The following PIK3C2A variants were observed in gnomAD, a reference collection of about 807,000 sequenced individuals.
PIK3C2A encodes phosphatidylinositol 4-phosphate 3-kinase C2 domain-containing subunit alpha.
A neutral mutation model predicts 204.5 loss-of-function variants in PIK3C2A; 97 were observed. The observed-to-expected ratio is 0.47, with a 90% CI of 0.40 to 0.56. The LOEUF (loss-of-function observed/expected upper bound fraction) is 0.56. Among genes scored for constraint, PIK3C2A ranks in the 20% least tolerant of loss-of-function variants. The pLI is 0.00. For synonymous variants in PIK3C2A, 653 were observed against 664.4 expected (o/e 0.98, Z 0.26); for missense variants, 1,735 against 1,969.2 (o/e 0.88, Z 2.25).
chr11:17,186,915 T>A (rs1851771321), intron 1 of PIK3C2A, among the ~76,000 whole-genome samples: 1 of 152,156 alleles, frequency 6.6e-6, no homozygotes, highest in East Asian at 1.9e-4. Context: ...CCCATCTCTA[T>A]TAAAAATACA....
chr11:17,206,156 C>T (rs1852566138), intron 1 of PIK3C2A, among the ~76,000 whole-genome samples: 1 of 152,076 alleles, frequency 6.6e-6, no homozygotes, highest in Non-Finnish European at 1.5e-5. Context: ...AACATTAAAA[C>T]ATGTTATTTG....
chr11:17,112,758 C>T, intron 20 of PIK3C2A, 92 bp from the exon 21 acceptor site: 2 of 541,870 alleles, frequency 3.7e-6, no homozygotes, highest in Middle Eastern at 5.9e-4. Flanking sequence ...TCACTTCTTC[C>T]TTTGTGTCTT....
chr11:17,192,804 A>G (rs1851986634), intron 1 of PIK3C2A, among the ~76,000 whole-genome samples: 1 of 152,252 alleles, frequency 6.6e-6, no homozygotes, highest in Admixed American at 6.5e-5. Context: ...CAAATACAGT[A>G]TTTGACTTTA....
intron 12 of PIK3C2A, among the ~76,000 whole-genome samples, chr11:17,130,755 C>T (rs1425446816): frequency 1.6e-5 from 2 of 128,014 alleles, no homozygotes; most frequent in Non-Finnish European, 3.2e-5. Flanking sequence ...TACAGTGGGC[C>T]AAGATTGCAC....
chr11:17,157,252 G>A (rs182252134), intron 2 of PIK3C2A, among the ~76,000 whole-genome samples: 130 of 152,128 alleles, frequency 8.5e-4, no homozygotes, highest in African/African-American at 2.8e-3. Flanking sequence ...CTGAGGTCAG[G>A]AGTTCAAGAC....
chr11:17,111,677 G>C (rs183734301), intron 21 of PIK3C2A, among the ~76,000 whole-genome samples: 46 of 151,880 alleles, frequency 3.0e-4, no homozygotes, highest in Admixed American at 2.5e-3. Flanking sequence ...AGGAGTTCGA[G>C]ACCAGCCTGG....
intron 1 of PIK3C2A, among the ~76,000 whole-genome samples, chr11:17,192,969 C>T (rs1182993404): frequency 1.4e-4 from 22 of 152,214 alleles, no homozygotes; most frequent in Admixed American, 1.2e-3. Context: ...GTCCTCATGA[C>T]TACGACTGTG....
At position 17,091,349 on chromosome 11, in the gene PIK3C2A, C is replaced by T. The variant is rs765518154; in HGVS notation, c.4863G>A (p.Pro1621=). 25 of 1,612,178 alleles carry T rather than the reference C, an allele frequency of 1.6e-5. No homozygotes were observed. The highest frequency in any genetic ancestry group is 5.0e-5 in the Admixed American group (3 of 59,680). ...KTKISRKTRN[P]TFNEMLVYSG... is the part of the protein sequence containing the mutation. ...TTTAACTTACCATTTCATTGAATGT[C>T]GGATTCCTCGTTTTTCGTGAAATTT... The change falls in exon 32 of 33, where the codon CCG becomes CCA. Residue 1621 remains proline (P), a synonymous_variant. Coordinates refer to ENST00000691414, the MANE Select transcript of PIK3C2A (RefSeq NM_002645.4).
chr11:17,104,193 C>T (rs1848730696), intron 23 of PIK3C2A, among the ~76,000 whole-genome samples: 1 of 152,108 alleles, frequency 6.6e-6, no homozygotes, highest in Non-Finnish European at 1.5e-5. Flanking sequence ...AGGCCTATGT[C>T]CTGAAAGACT....
rs68020564 is a variant in PIK3C2A, at chr11:17,131,419, ATT to A, written c.2231+495_2231+496del. ...ATATAAAGGCTTAAAAGGGTATTTC[ATT>A]TTTTTTTTTTTTTTTTTTGAGATGG... On this transcript the variant is annotated intron_variant, in intron 12 of 32. Transcript: ENST00000691414. 2.8e-3 allele frequency among the ~76,000 whole-genome samples: 222 copies of A among 79,460 alleles called. 2 individuals are homozygous for A. Among genetic ancestry groups the A allele is most frequent in the South Asian group, 0.014 (34 of 2,396 alleles). The allele number at this position is 79,460 out of a possible 152,430, so 52.1% of individuals were successfully genotyped here.
chr11:17,098,877 T>G (rs1848532460), intron 26 of PIK3C2A, among the ~76,000 whole-genome samples: 1 of 152,172 alleles, frequency 6.6e-6, no homozygotes, highest in East Asian at 1.9e-4. Flanking sequence ...TCACCAGACC[T>G]TTAGAACATA....
Position 17,131,942 on chromosome 11 carries a change from G to T in PIK3C2A, c.2205C>A (p.Phe735Leu), listed in dbSNP as rs1352605981. 6.2e-7 allele frequency: 1 copy of T among 1,601,530 alleles called. No homozygotes were observed. Among genetic ancestry groups the T allele is most frequent in the South Asian group, 1.1e-5 (1 of 88,540 alleles). ...QSKKVGTYKN[F>L]FYLIKWDELI... ...GTTCATCCCATTTAATAAGATAGAA[G>T]AAATTCTTGTAAGTGCCAACCTTCT... Residue 735 changes from phenylalanine (F) to leucine (L), a missense_variant, in exon 12 of 33, where the codon TTC becomes TTA. By Grantham distance (22) the Phe-to-Leu change is conservative (BLOSUM62 0). This residue lies in a region of PIK3C2A where 567 missense variants were observed against 576.0 expected (regional missense o/e 0.98). Transcript: ENST00000691414.
intron 8 of PIK3C2A, chr11:17,138,024 G>C (rs1214143570): frequency 1.6e-6 from 1 of 629,538 alleles, no homozygotes; most frequent in Non-Finnish European, 3.0e-6. Flanking sequence ...CTTTCACAAT[G>C]ATTTTCTGCT....
chr11:17,203,003 G>GTTTATCTTTTAACAACAA, intron 1 of PIK3C2A, among the ~76,000 whole-genome samples: 1 of 152,266 alleles, frequency 6.6e-6, no homozygotes, highest in East Asian at 1.9e-4. Context: ...ATAAATACTT[G>GTTTATCTTTTAACAACAA]TTGCTAAGCC....
chr11:17,091,902 G>T, intron 30 of PIK3C2A, 94 bp downstream of exon 30: 1 of 839,402 alleles, frequency 1.2e-6, no homozygotes, highest in Non-Finnish European at 2.1e-6. Flanking sequence ...TCAGACTACA[G>T]CTAGTAAGCC....
intron 1 of PIK3C2A, among the ~76,000 whole-genome samples, chr11:17,186,167 C>T (rs1851744025): frequency 6.6e-6 from 1 of 152,156 alleles, no homozygotes; most frequent in African/African-American, 2.4e-5. Flanking sequence ...CACTGAATGG[C>T]TTAATCCCTC....
rs1590887884 is a variant in PIK3C2A at position 17,089,590 on chromosome 11, G to T, written c.*148C>A. 12 of 544,944 alleles carry T rather than the reference G, an allele frequency of 2.2e-5. No individual in the cohort carries two copies. The East Asian group carries it at 3.6e-4, about 16-fold the overall frequency. 33.8% of individuals were successfully genotyped at this position (544,944 alleles called of 1,614,324 possible). ...GGTCCAACAGATGTGTTGAAATGCA[G>T]CAAGTATATTTAACTTTATAAGTTC... is the stretch of plus-strand genomic sequence containing the variant. On this transcript the variant is annotated 3_prime_UTR_variant, in exon 33 of 33. Coordinates refer to ENST00000691414, the MANE Select transcript of PIK3C2A (RefSeq NM_002645.4).
intron 1 of PIK3C2A, among the ~76,000 whole-genome samples, chr11:17,176,197 G>C (rs1466533054): frequency 6.6e-6 from 1 of 151,600 alleles, no homozygotes. Flanking sequence ...AGTAGAGATG[G>C]GGTTTCACCA....
At chr11:17,129,175 A>G (rs1027227679) in intron 13 of PIK3C2A, 125 bp downstream of exon 13, 16 of 699,386 alleles carry the variant, frequency 2.3e-5, no homozygotes, top group Non-Finnish European at 3.4e-5. Flanking sequence ...CTTTTATCAC[A>G]TTAGAAAAAC....
Sources: allele counts gnomAD v4.1 joint callset (sites outside exome capture counted in the v4.1 genomes callset), GRCh38; gene constraint gnomAD v4.1.1; regional missense constraint gnomAD v4.1.1; transcripts MANE v1.5; gene names NCBI Gene and HGNC (gene_info 2026-07-23, HGNC 2026-07-21).